FRY: variants seen among roughly 807,000 people sequenced by gnomAD.
The protein encoded by FRY is FRY microtubule binding protein, also known as protein furry homolog.
In FRY, 128 loss-of-function variants were observed where a neutral mutation model predicts 348.4. The ratio of observed to expected loss-of-function variants is 0.37; its 90% CI spans 0.32 to 0.43. The LOEUF is 0.43. Among genes scored for constraint, FRY ranks in the 20% least tolerant of loss-of-function variants. FRY has a pLI of 1.00. For missense variants in FRY, 2,736 were observed against 3,695.2 expected, an observed-to-expected ratio of 0.74 and a Z score of 6.73; for synonymous variants, 1,370 against 1,374.7, an observed-to-expected ratio of 1.00 and a Z score of 0.08.
In FRY at chr13:32,225,983, G is replaced by A. The variant is rs1411205006; in HGVS notation, c.5206+9G>A. ...TGAATATCTCTATACAGGTAACAGA[G>A]AAGGACTGGTAGAGAGCCTAGGACA... On this transcript the variant is annotated intron_variant, in intron 39 of 60. Coordinates refer to ENST00000542859, the MANE Select transcript of FRY (RefSeq NM_023037.3). 1.2e-6 allele frequency: 2 copies of A among 1,612,752 alleles called. No homozygotes were observed. Among genetic ancestry groups the A allele is most frequent in the Admixed American group, 1.7e-5 (1 of 59,998 alleles).
At position 32,079,015 on chromosome 13, in the gene FRY, C is replaced by A; in HGVS notation, c.252C>A (p.Ile84=). The change falls in exon 2 of 61, where the codon ATC becomes ATA. Residue 84 remains isoleucine (I), a synonymous_variant. Coordinates refer to ENST00000542859, the MANE Select transcript of FRY (RefSeq NM_023037.3). ...CTCAGGCTGAACGCAAGATTCGTAT[C>A]ATTATGGCAGAGCCCCTGGTGAGTA... is the stretch of plus-strand genomic sequence containing the variant. ...FTTQAERKIR[I]IMAEPLEKPL... 8 of 1,613,052 alleles carry A rather than the reference C, an allele frequency of 5.0e-6. No individual in the cohort carries two copies. Among genetic ancestry groups the A allele is most frequent in the Non-Finnish European group, 6.8e-6 (8 of 1,179,044 alleles).
intron 24 of FRY, among the ~76,000 whole-genome samples, chr13:32,183,671 G>T (rs1228621678): frequency 6.6e-6 from 1 of 151,542 alleles, no homozygotes; most frequent in African/African-American, 2.4e-5. Flanking sequence ...AGCTACTCTG[G>T]AGGCTGAGGC....
chr13:32,225,830 A>G lies in FRY; in HGVS notation c.5062A>G (p.Lys1688Glu). 4 of 1,614,148 alleles carry G rather than the reference A, an allele frequency of 2.5e-6. No homozygotes were observed. The highest frequency in any genetic ancestry group is 3.4e-6 in the Non-Finnish European group (4 of 1,180,010). ...GCCTGAAGTCTTTGAACACAGCAAA[A>G]AACTGCTTCTTCACCTCTTGATTGC... ...YRPEVFEHSK[K>E]LLLHLLIALS... is the part of the protein sequence containing the mutation. The change falls in exon 39 of 61, where the codon AAA becomes GAA. Residue 1688 changes from lysine to glutamate, a missense_variant. Physicochemically the swap from Lys to Glu is moderately conservative, Grantham distance 56. Transcript: ENST00000542859.
intron 59 of FRY, among the ~76,000 whole-genome samples, chr13:32,291,196 T>C (rs540472795): frequency 6.6e-6 from 1 of 152,208 alleles, no homozygotes; most frequent in Non-Finnish European, 1.5e-5. Flanking sequence ...AGAGACAAAC[T>C]ACAACCATTT....
intron 20 of FRY, among the ~76,000 whole-genome samples, chr13:32,177,099 A>G (rs1411009376): frequency 6.6e-6 from 1 of 152,168 alleles, no homozygotes; most frequent in Non-Finnish European, 1.5e-5. Flanking sequence ...ATCATTTTAC[A>G]TGCCTAACAA....
intron 22 of FRY, 108 bp downstream of exon 22, chr13:32,179,141 G>A: frequency 2.5e-6 from 2 of 793,048 alleles, no homozygotes; most frequent in Non-Finnish European, 4.3e-6. Context: ...GAGTATTATG[G>A]GATCAGATTT....
At chr13:32,085,948 G>A (rs755371469) in intron 2 of FRY, 5 of 518,970 alleles carry the variant, frequency 9.6e-6, no homozygotes, top group Non-Finnish European at 1.9e-5. Flanking sequence ...AAGTACTTAA[G>A]AGAAGACAAC....
intron 23 of FRY, among the ~76,000 whole-genome samples, chr13:32,181,386 G>A (rs976361724): frequency 1.3e-5 from 2 of 151,544 alleles, no homozygotes; most frequent in African/African-American, 4.9e-5. Flanking sequence ...CCTGAGGTCA[G>A]GAGTTTAAGA....
chr13:32,101,090 T>C (rs1296510502), intron 2 of FRY, among the ~76,000 whole-genome samples: 2 of 152,202 alleles, frequency 1.3e-5, no homozygotes, highest in Non-Finnish European at 2.9e-5. Context: ...AACTCTGTAC[T>C]CTTTGATCAA....
rs1887978911 is a variant in FRY at position 32,267,418 on chromosome 13, T to C, written c.8136+59T>C. ...GTTTCTAAGGGGAGCCGGGTAACTT[T>C]GAATTTAAGGAGAGGTTGTTCTTCT... is the stretch of plus-strand genomic sequence containing the variant. On this transcript the variant is annotated intron_variant, in intron 55 of 60. Coordinates refer to ENST00000542859, the MANE Select transcript of FRY (RefSeq NM_023037.3). 6.3e-6 allele frequency: 9 copies of C among 1,427,004 alleles called. No homozygotes were observed. In the South Asian group the frequency reaches 9.2e-5, roughly 15 times the overall value. 88.4% of individuals were successfully genotyped at this position (1,427,004 alleles called of 1,614,324 possible).
intron 35 of FRY, among the ~76,000 whole-genome samples, chr13:32,216,032 A>T (rs1228219922): frequency 6.6e-6 from 1 of 152,194 alleles, no homozygotes; most frequent in Non-Finnish European, 1.5e-5. Flanking sequence ...GATAGTGTTG[A>T]TATACACAAA....
At chr13:32,151,401 A>G (rs918205063) in intron 14 of FRY, among the ~76,000 whole-genome samples, 1 of 152,264 alleles carries the variant, frequency 6.6e-6, no homozygotes, top group African/African-American at 2.4e-5. Context: ...GTAGTTGGTA[A>G]TTATAAGCCC....
Position 32,155,481 on chromosome 13 carries a change from T to C in FRY, c.1480-10T>C. On this transcript the variant is annotated splice_polypyrimidine_tract_variant and intron_variant, in intron 14 of 60. Transcript: ENST00000542859. ...CTTTCCTTTTGTCATGACAATATTG[T>C]CTCTTACAGAGAATGAACATTGGTT... 1 of 1,605,856 alleles carries C rather than the reference T, an allele frequency of 6.2e-7. No homozygotes were observed. The highest frequency in any genetic ancestry group is 1.7e-4 in the Middle Eastern group (1 of 6,052).
intron 58 of FRY, among the ~76,000 whole-genome samples, chr13:32,286,513 C>T (rs1008240645): frequency 1.3e-5 from 2 of 151,780 alleles, no homozygotes; most frequent in Non-Finnish European, 2.9e-5. Context: ...TTTGGGAGTC[C>T]GAGGCAGGCG....
At chr13:32,127,842 C>G (rs971397704) in intron 7 of FRY, among the ~76,000 whole-genome samples, 3 of 152,142 alleles carry the variant, frequency 2.0e-5, no homozygotes, top group Non-Finnish European at 1.5e-5. Flanking sequence ...CTTTTAGCCA[C>G]TAACTCATGA....
At chr13:32,287,854 G>A in intron 58 of FRY, 2 of 1,349,994 alleles carry the variant, frequency 1.5e-6, no homozygotes, top group Non-Finnish European at 2.0e-6. Context: ...CCTGTGCCAT[G>A]CTTGCTGTGT....
At chr13:32,269,848 C>T (rs531897657) in intron 55 of FRY, among the ~76,000 whole-genome samples, 1 of 152,250 alleles carries the variant, frequency 6.6e-6, no homozygotes, top group African/African-American at 2.4e-5. Flanking sequence ...CCTGGAGGCC[C>T]TTCTTATAAT....
At position 32,061,916 on chromosome 13, in the gene FRY, A is replaced by G. The variant is rs550817132; in HGVS notation, c.71-16918A>G. 2.0e-5 allele frequency among the ~76,000 whole-genome samples: 3 copies of G among 151,962 alleles called. 1 individual carries two copies. The South Asian group carries it at 6.2e-4, about 32-fold the overall frequency. ...ATGCATTTTGGATATCGGCTCTTTA[A>G]TTTTTTTTAGTGAAGGTAGGAGAAG... On this transcript the variant is annotated intron_variant, in intron 1 of 60. Transcript: ENST00000542859.
chr13:32,161,873 A>C (rs971678102), intron 17 of FRY, among the ~76,000 whole-genome samples: 19 of 152,246 alleles, frequency 1.2e-4, no homozygotes, highest in African/African-American at 4.6e-4. Flanking sequence ...TCTTTGAGTG[A>C]AATTATCTTA....
Sources: allele counts gnomAD v4.1 joint callset (sites outside exome capture counted in the v4.1 genomes callset), GRCh38; gene constraint gnomAD v4.1.1; transcripts MANE v1.5; gene names NCBI Gene and HGNC (gene_info 2026-07-23, HGNC 2026-07-21).